Variants in JKAMP observed in about 807,000 individuals in gnomAD.
The protein encoded by JKAMP is JNK1/MAPK8-associated membrane protein.
In JKAMP, 20 loss-of-function variants were observed where a neutral mutation model predicts 40.2. The ratio of observed to expected loss-of-function variants is 0.50; its 90% CI spans 0.35 to 0.72. JKAMP has a LOEUF of 0.72. Ranked by LOEUF, JKAMP falls within the 30% of genes least tolerant of loss-of-function variation. The pLI is 0.01. For missense variants in JKAMP, 276 were observed against 373.0 expected, an observed-to-expected ratio of 0.74 and a Z score of 2.14; for synonymous variants, 138 against 131.6, an observed-to-expected ratio of 1.05 and a Z score of -0.33.
At chr14:59,503,113 T>C (rs1379806925) in intron 6 of JKAMP, among the ~76,000 whole-genome samples, 11 of 127,452 alleles carry the variant, frequency 8.6e-5, no homozygotes, top group Middle Eastern at 8.6e-3. Flanking sequence ...CTTGAACTTA[T>C]TTGTTTCTCT....
At position 59,505,188 on chromosome 14, in the gene JKAMP, CT is replaced by C; in HGVS notation, c.*1120del. The C allele has an allele frequency of 5.0e-6, 5 of 994,470 alleles. 1 individual carries two copies. In the South Asian group the frequency reaches 5.6e-5, roughly 11 times the overall value. The allele number at this position is 994,470 out of a possible 1,614,324, so 61.6% of individuals were successfully genotyped here. On this transcript the variant is annotated 3_prime_UTR_variant, in exon 7 of 7. Transcript: ENST00000616435. ...CAAAATATGAAAGTAAGTGCACTCA[CT>C]TTTCCTGTAGTAGTCTGTCTTTTGA...
intron 6 of JKAMP, among the ~76,000 whole-genome samples, chr14:59,502,773 TCG>T (rs1892028124): frequency 1.9e-5 from 2 of 102,848 alleles, no homozygotes; most frequent in Non-Finnish European, 3.7e-5. Flanking sequence ...TTTTTTTTTT[TCG>T]GAGTCTCACT....
chr14:59,499,183 C>G (rs1172604673), intron 5 of JKAMP, among the ~76,000 whole-genome samples: 1 of 151,578 alleles, frequency 6.6e-6, no homozygotes, highest in Non-Finnish European at 1.5e-5. Context: ...GCCACCACAC[C>G]CAGCTAATTT....
chr14:59,484,580 C>T lies in JKAMP; in HGVS notation c.-10C>T. ...TCTAGTGCTTCTCGAAAAAAACCTT[C>T]AGGCGGCCCATGGGTGAGTGGTCGC... On this transcript the variant is annotated 5_prime_UTR_variant, in exon 1 of 7. It introduces an in-frame stop codon into an upstream open reading frame of the 5' UTR. Transcript: ENST00000616435. The T allele has an allele frequency of 6.3e-7, 1 of 1,575,674 alleles. No individual in the cohort carries two copies. The highest frequency in any genetic ancestry group is 8.6e-7 in the Non-Finnish European group (1 of 1,160,894).
At chr14:59,489,196 T>A (rs1890804073) in intron 3 of JKAMP, among the ~76,000 whole-genome samples, 1 of 58,400 alleles carries the variant, frequency 1.7e-5, no homozygotes, top group African/African-American at 1.1e-4. Flanking sequence ...TTTTTAAGTA[T>A]AAGTCCCAAT....
At chr14:59,496,144 G>T (rs1295379067) in intron 4 of JKAMP, among the ~76,000 whole-genome samples, 12 of 152,112 alleles carry the variant, frequency 7.9e-5, no homozygotes, top group Admixed American at 7.9e-4. Context: ...GGCCTTAAGT[G>T]ATCTACCCAC....
rs948543802 is a variant in JKAMP, at chr14:59,503,887, C to G, written c.751C>G (p.Leu251Val). Residue 251 changes from leucine to valine, a missense_variant, in exon 7 of 7, where the codon CTT becomes GTT. Physicochemically the swap from Leu to Val is conservative, Grantham distance 32. Coordinates refer to ENST00000616435, the MANE Select transcript of JKAMP (RefSeq NM_016475.5). ...TGATCTTCTGGTCAGAAAGAAAAGA[C>G]TTATTGTTCTCTTCAGCCACTGGTT... ...CYDLLVRKKR[L>V]IVLFSHWLLH... is the part of the protein sequence containing the mutation. The G allele has an allele frequency of 1.9e-6, 3 of 1,612,392 alleles. No homozygotes were observed. Among genetic ancestry groups the G allele is most frequent in the Non-Finnish European group, 2.5e-6 (3 of 1,178,630 alleles).
At position 59,502,773 on chromosome 14, in the gene JKAMP, T is replaced by TTTTTTTTTTTTTG. The variant is rs796697193; in HGVS notation, c.718-1081_718-1080insTTTTTTTTTTTTG. Among the ~76,000 whole-genome samples, 264 of 102,830 alleles carry TTTTTTTTTTTTTG rather than the reference T, an allele frequency of 2.6e-3. 25 individuals carry two copies. Among genetic ancestry groups the TTTTTTTTTTTTTG allele is most frequent in the African/African-American group, 9.2e-3 (237 of 25,782 alleles). 67.5% of individuals were successfully genotyped at this position (102,830 alleles called of 152,430 possible). On this transcript the variant is annotated intron_variant, in intron 6 of 6. Coordinates refer to ENST00000616435, the MANE Select transcript of JKAMP (RefSeq NM_016475.5). ...AGATTTTTTTTTTTTTTTTTTTTTTTCGGAGTCTCACTCTGTCGCTTAGGC... is the reference window on the plus strand; with the variant it reads ...AGATTTTTTTTTTTTTTTTTTTTTTTTTTTTTTTTTTTGCGGAGTCTCACTCTGTCGCTTAGGC...
At chr14:59,500,516 GC>G (rs2139909321) in intron 5 of JKAMP, among the ~76,000 whole-genome samples, 1 of 152,280 alleles carries the variant, frequency 6.6e-6, no homozygotes, top group South Asian at 2.1e-4. Context: ...AGTAGAGATT[GC>G]AGGAATTTTG....
intron 3 of JKAMP, among the ~76,000 whole-genome samples, chr14:59,493,344 T>C (rs1395025384): frequency 2.0e-5 from 3 of 152,194 alleles, no homozygotes; most frequent in Non-Finnish European, 4.4e-5. Flanking sequence ...ACTGCAGCCA[T>C]GTGAGTTAGT....
chr14:59,498,429 T>C (rs1891607410), intron 4 of JKAMP, among the ~76,000 whole-genome samples: 1 of 152,240 alleles, frequency 6.6e-6, no homozygotes. Flanking sequence ...TTTTTTTATG[T>C]ATCCCTGGTT....
chr14:59,494,925 T>C, intron 3 of JKAMP, 93 bp from the exon 4 acceptor site: 3 of 892,454 alleles, frequency 3.4e-6, no homozygotes, highest in Admixed American at 2.3e-5. Flanking sequence ...CTTATAGATT[T>C]AGAAATCTGT....
In JKAMP at chr14:59,503,971, C is replaced by T. The variant is rs1892155877; in HGVS notation, c.835C>T (p.Pro279Ser). Residue 279 changes from proline to serine, a missense_variant, in exon 7 of 7, where the codon CCC (proline) becomes TCC (serine). Transcript: ENST00000616435. ...AGTGGATAAACTTGAGCAAGATTTG[C>T]CCCTTTTGGCTTTGGTACCTACACC... ...SRVDKLEQDL[P>S]LLALVPTPAL... is the part of the protein sequence containing the mutation. 3.7e-6 allele frequency: 6 copies of T among 1,613,480 alleles called. No homozygotes were observed. Among genetic ancestry groups the T allele is most frequent in the Non-Finnish European group, 5.1e-6 (6 of 1,179,646 alleles).
chr14:59,498,812 G>A lies in JKAMP; in HGVS notation c.544G>A (p.Gly182Arg). Residue 182 changes from glycine to arginine, a missense_variant, in exon 5 of 7, where the codon GGG becomes AGG. Transcript: ENST00000616435. The part of the protein sequence containing the change: ...RPLLVKKIAC[G>R]LGKSDRFKSI... The stretch of plus-strand genomic sequence containing the variant: ...TCTTCTGGTGAAGAAGATTGCATGT[G>A]GGTTAGGGAAATCTGATCGATTTAA... 1.2e-6 allele frequency: 2 copies of A among 1,610,984 alleles called. No homozygotes were observed. The highest frequency in any genetic ancestry group is 1.7e-6 in the Non-Finnish European group (2 of 1,177,634).
chr14:59,487,167 C>G (rs1372154664), intron 2 of JKAMP: 1 of 161,072 alleles, frequency 6.2e-6, no homozygotes, highest in Non-Finnish European at 1.3e-5. Flanking sequence ...TGCACCACTG[C>G]ATTCCAGCGT....
intron 4 of JKAMP, among the ~76,000 whole-genome samples, chr14:59,497,580 G>A (rs1174104146): frequency 1.3e-5 from 2 of 152,088 alleles, no homozygotes; most frequent in African/African-American, 4.8e-5. Context: ...ACAAGACTAG[G>A]AAACTAATTC....
intron 6 of JKAMP, among the ~76,000 whole-genome samples, chr14:59,502,770 T>G (rs139249442): frequency 2.9e-5 from 1 of 34,582 alleles, no homozygotes; most frequent in Non-Finnish European, 9.4e-5. Flanking sequence ...TTTTTTTTTT[T>G]TTTCGGAGTC....
chr14:59,484,686 C>G lies in JKAMP; in HGVS notation c.4+93C>G, dbSNP rs1890374171. On this transcript the variant is annotated intron_variant, in intron 1 of 6. Coordinates refer to ENST00000616435, the MANE Select transcript of JKAMP (RefSeq NM_016475.5). Reference sequence around the variant, plus strand: ...TCGGGCTCGGCTCTTTGTAGGCGGCCTTCGGTTGGCGGCGCAGGCTCGCCC... The same window carrying G: ...TCGGGCTCGGCTCTTTGTAGGCGGCGTTCGGTTGGCGGCGCAGGCTCGCCC... 3.4e-6 allele frequency: 5 copies of G among 1,450,818 alleles called. No homozygotes were observed. The South Asian group carries it at 3.7e-5, about 11-fold the overall frequency. 89.9% of individuals were successfully genotyped at this position (1,450,818 alleles called of 1,614,324 possible).
At chr14:59,495,363 G>A in intron 4 of JKAMP, 139 bp downstream of exon 4, 1 of 612,900 alleles carries the variant, frequency 1.6e-6, no homozygotes, top group Non-Finnish European at 2.9e-6. Flanking sequence ...CCTTGAACAT[G>A]TAAACAGCCT....
Sources: allele counts gnomAD v4.1 joint callset (sites outside exome capture counted in the v4.1 genomes callset), GRCh38; gene constraint gnomAD v4.1.1; transcripts MANE v1.5; gene names NCBI Gene and HGNC (gene_info 2026-07-23, HGNC 2026-07-21).